UTRN: variants seen among roughly 807,000 people sequenced by gnomAD.
The protein encoded by UTRN is utrophin, also known as dystrophin-related protein 1.
Under a neutral mutation model 463.9 loss-of-function variants are expected in UTRN, and 283 were observed. The ratio of observed to expected loss-of-function variants is 0.61; its 90% confidence interval spans 0.55 to 0.67. The LOEUF (loss-of-function observed/expected upper bound fraction) is 0.67, where lower values mean the gene tolerates loss of function less well. UTRN is among the 30% of genes least tolerant of loss of function. The pLI is 0.00. For synonymous variants in UTRN, 1,442 were observed against 1,431.5 expected (o/e 1.01, Z -0.17); for missense variants, 3,922 against 4,084.3 (o/e 0.96, Z 1.08).
intron 2 of UTRN, among the ~76,000 whole-genome samples, chr6:144,349,254 C>G (rs574044656): frequency 2.9e-4 from 44 of 152,286 alleles, no homozygotes; most frequent in Non-Finnish European, 5.9e-4. Flanking sequence ...GTGATCCGCC[C>G]GCCTCAGCCT....
At chr6:144,689,426 G>T (rs1044013456) in intron 52 of UTRN, among the ~76,000 whole-genome samples, 6 of 152,344 alleles carry the variant, frequency 3.9e-5, no homozygotes, top group South Asian at 4.1e-4. Context: ...AGGTGGAAAT[G>T]TCTGGGAGTC....
chr6:144,839,171 A>G lies in UTRN; in HGVS notation c.10066-2A>G, dbSNP rs1292934682. On this transcript the variant is annotated splice_acceptor_variant, in intron 71 of 74. Coordinates refer to ENST00000367545, the MANE Select transcript of UTRN (RefSeq NM_007124.3). LOFTEE classifies it high-confidence loss of function. ...TGCTTTAACCTCTGAATGTGGTTCC[A>G]GCCTGAATCTGATTCCCGAATCAAT... The G allele has an allele frequency of 1.9e-6, 3 of 1,612,766 alleles. No homozygotes were observed.
chr6:144,498,764 C>T (rs1024506026), intron 33 of UTRN, among the ~76,000 whole-genome samples: 1 of 152,000 alleles, frequency 6.6e-6, no homozygotes, highest in Non-Finnish European at 1.5e-5. Flanking sequence ...AAGCGATTCT[C>T]CCACCTCAGC....
intron 64 of UTRN, among the ~76,000 whole-genome samples, chr6:144,802,830 T>C (rs1191533678): frequency 6.6e-6 from 1 of 152,200 alleles, no homozygotes; most frequent in Admixed American, 6.5e-5. Context: ...TCATTTTCCA[T>C]TCGTATTCAA....
intron 2 of UTRN, among the ~76,000 whole-genome samples, chr6:144,371,184 T>A (rs1361572555): frequency 6.6e-6 from 1 of 152,260 alleles, no homozygotes; most frequent in African/African-American, 2.4e-5. Flanking sequence ...AACGTGAGTA[T>A]TAAAATATGA....
At chr6:144,773,003 G>A (rs1178150617) in intron 59 of UTRN, among the ~76,000 whole-genome samples, 2 of 151,574 alleles carry the variant, frequency 1.3e-5, no homozygotes, top group Admixed American at 6.6e-5. Flanking sequence ...TGGGTGAAGG[G>A]GCCTGCAAAA....
chr6:144,572,217 G>C (rs1342379482), intron 50 of UTRN, among the ~76,000 whole-genome samples: 1 of 152,056 alleles, frequency 6.6e-6, no homozygotes, highest in Non-Finnish European at 1.5e-5. Context: ...CCATTAACAG[G>C]AGAGCCCCTT....
At chr6:144,576,407 T>C (rs1801440669) in intron 50 of UTRN, among the ~76,000 whole-genome samples, 1 of 152,214 alleles carries the variant, frequency 6.6e-6, no homozygotes, top group African/African-American at 2.4e-5. Flanking sequence ...GATAGCTCTG[T>C]GTTCTAATTT....
chr6:144,704,501 G>GT (rs1411706448), intron 53 of UTRN, among the ~76,000 whole-genome samples: 1 of 152,188 alleles, frequency 6.6e-6, no homozygotes, highest in Non-Finnish European at 1.5e-5. Flanking sequence ...GGTGTGCTGG[G>GT]TTTGGGGTAA....
At chr6:144,459,128 A>T (rs780699338) in intron 20 of UTRN, 46 bp from the exon 21 acceptor site, 4 of 1,585,686 alleles carry the variant, frequency 2.5e-6, no homozygotes, top group Non-Finnish European at 3.4e-6. Flanking sequence ...TCCTGTGAGG[A>T]TGTTCATCTT....
rs546171734 is a variant in UTRN, at chr6:144,626,689, A to T, written c.7479+49401A>T. On this transcript the variant is annotated intron_variant, in intron 51 of 74. Coordinates refer to ENST00000367545, the MANE Select transcript of UTRN (RefSeq NM_007124.3). ...AGTCTCGCTCTGTCGCCCAGGCTAG[A>T]GATGCAGTGGCACAATTTCGGCTCG... Among the ~76,000 whole-genome samples, 21 of 152,190 alleles carry T rather than the reference A, an allele frequency of 1.4e-4. No homozygotes were observed. The East Asian group carries it at 4.1e-3, about 29-fold the overall frequency.
intron 51 of UTRN, among the ~76,000 whole-genome samples, chr6:144,647,319 AT>A (rs1778400455): frequency 6.6e-6 from 1 of 152,202 alleles, no homozygotes; most frequent in Non-Finnish European, 1.5e-5. Flanking sequence ...ATAATTTTTC[AT>A]GTATTTTCAT....
chr6:144,690,121 G>A (rs1219924886), intron 52 of UTRN, among the ~76,000 whole-genome samples: 2 of 109,376 alleles, frequency 1.8e-5, no homozygotes, highest in Non-Finnish European at 1.8e-5. Flanking sequence ...GTGTGTGTGT[G>A]TGTGTGTGTT....
At chr6:144,392,279 A>T (rs866255674) in intron 2 of UTRN, among the ~76,000 whole-genome samples, 11 of 152,206 alleles carry the variant, frequency 7.2e-5, no homozygotes, top group African/African-American at 2.7e-4. Flanking sequence ...TTATTAGACA[A>T]TGTTGTCTTA....
chr6:144,336,587 T>G (rs1776736533), intron 2 of UTRN, among the ~76,000 whole-genome samples: 1 of 152,078 alleles, frequency 6.6e-6, no homozygotes, highest in African/African-American at 2.4e-5. Context: ...CTAGAAAAAT[T>G]TTCCTTACTA....
At chr6:144,582,857 T>TG (rs563421679) in intron 51 of UTRN, among the ~76,000 whole-genome samples, 182 of 152,266 alleles carry the variant, frequency 1.2e-3, no homozygotes, top group African/African-American at 4.2e-3. Flanking sequence ...GAGATCTGTC[T>TG]GGGGGTGATT....
chr6:144,505,932 TC>T (rs1794655834), intron 34 of UTRN, among the ~76,000 whole-genome samples: 2 of 152,210 alleles, frequency 1.3e-5, no homozygotes, highest in South Asian at 4.1e-4. Context: ...TGAATCTGGG[TC>T]CTCCTGTATT....
In UTRN at chr6:144,285,527, T is replaced by G. The variant is rs985369040; in HGVS notation, c.-387T>G. On this transcript the variant is annotated 5_prime_UTR_variant, in exon 1 of 75. Coordinates refer to ENST00000367545, the MANE Select transcript of UTRN (RefSeq NM_007124.3). ...GCAAAGTTGGTGCCTGCGCGCCCCT[T>G]CCAGGTTTGCGCTTTGACTGTTTTG... is the stretch of plus-strand genomic sequence containing the variant. 3.3e-5 allele frequency among the ~76,000 whole-genome samples: 5 copies of G among 152,234 alleles called. No individual in the cohort carries two copies. Among genetic ancestry groups the G allele is most frequent in the Admixed American group, 1.3e-4 (2 of 15,288 alleles).
At chr6:144,497,924 C>T (rs1793815997) in intron 33 of UTRN, among the ~76,000 whole-genome samples, 1 of 152,094 alleles carries the variant, frequency 6.6e-6, no homozygotes, top group South Asian at 2.1e-4. Flanking sequence ...AGAGGGCCCT[C>T]AACCAAGTCT....
Sources: gnomAD v4.1 joint callset for allele counts (sites outside exome capture counted in the v4.1 genomes callset) on GRCh38, gnomAD v4.1.1 for gene constraint, MANE v1.5 for transcripts, NCBI Gene and HGNC (gene_info 2026-07-23, HGNC 2026-07-21) for gene names.